CDH12: variants seen among roughly 807,000 people sequenced by gnomAD.
The protein encoded by CDH12 is cadherin-12.
A neutral mutation model predicts 74.1 loss-of-function variants in CDH12; 41 were observed. The ratio of observed to expected loss-of-function variants is 0.55; its 90% CI spans 0.43 to 0.72. The LOEUF is 0.72. Ranked by LOEUF, CDH12 falls within the 30% of genes least tolerant of loss-of-function variation. The probability of loss-of-function intolerance (pLI) is 0.00; values close to 1 mark genes in which losing one functional copy is unlikely to be tolerated. For synonymous variants in CDH12, 399 were observed against 355.0 expected, an observed-to-expected ratio of 1.12 and a Z score of -1.39; for missense variants, 945 against 977.2, an observed-to-expected ratio of 0.97 and a Z score of 0.44.
chr5:22,689,247 T>C (rs1014483374), intron 1 of CDH12, among the ~76,000 whole-genome samples: 1 of 152,156 alleles, frequency 6.6e-6, no homozygotes, highest in Non-Finnish European at 1.5e-5. Context: ...AAAGAGGGAA[T>C]AGATGGATAA....
At chr5:22,635,585 A>G (rs1286119004) in intron 1 of CDH12, among the ~76,000 whole-genome samples, 1 of 152,182 alleles carries the variant, frequency 6.6e-6, no homozygotes, top group Non-Finnish European at 1.5e-5. Flanking sequence ...TTCAAATTAT[A>G]TATCTGAAAA....
chr5:21,832,376 C>A (rs1378420950), intron 8 of CDH12, among the ~76,000 whole-genome samples: 1 of 151,952 alleles, frequency 6.6e-6, no homozygotes, highest in Non-Finnish European at 1.5e-5. Flanking sequence ...TTTTTATATG[C>A]CTACATCAGC....
intron 6 of CDH12, among the ~76,000 whole-genome samples, chr5:21,938,757 A>G (rs1208786860): frequency 8.0e-5 from 8 of 100,282 alleles, no homozygotes; most frequent in Non-Finnish European, 1.5e-4. Context: ...TATCTTCTAC[A>G]TATCAGTGCT....
intron 2 of CDH12, among the ~76,000 whole-genome samples, chr5:22,489,208 C>T (rs530359362): frequency 1.3e-5 from 2 of 151,472 alleles, no homozygotes; most frequent in Admixed American, 1.3e-4. Context: ...CAGGTGCCCA[C>T]CACCACACCT....
chr5:22,087,627 T>G (rs1461177611), intron 4 of CDH12, among the ~76,000 whole-genome samples: 2 of 151,816 alleles, frequency 1.3e-5, no homozygotes, highest in Non-Finnish European at 2.9e-5. Flanking sequence ...GGTGACAGAG[T>G]GAGACTTTGT....
chr5:22,471,523 A>C (rs930965761), intron 2 of CDH12, among the ~76,000 whole-genome samples: 10 of 151,840 alleles, frequency 6.6e-5, no homozygotes, highest in African/African-American at 2.4e-4. Flanking sequence ...CCCCATTTCC[A>C]CTCCACATAC....
intron 4 of CDH12, among the ~76,000 whole-genome samples, chr5:22,134,416 G>T (rs1411701733): frequency 6.6e-6 from 1 of 151,996 alleles, no homozygotes; most frequent in Non-Finnish European, 1.5e-5. Flanking sequence ...GATAGCGGGT[G>T]GGGTGTAGTT....
intron 10 of CDH12, among the ~76,000 whole-genome samples, chr5:21,800,558 C>T (rs1312672047): frequency 6.6e-6 from 1 of 152,144 alleles, no homozygotes; most frequent in East Asian, 1.9e-4. Flanking sequence ...AAGATGACCA[C>T]CTGCTGAAAA....
At chr5:22,076,108 C>T (rs1742296712) in intron 5 of CDH12, among the ~76,000 whole-genome samples, 1 of 152,024 alleles carries the variant, frequency 6.6e-6, no homozygotes. Flanking sequence ...ATGTACATTG[C>T]TTGAGAACCA....
chr5:21,867,742 G>A (rs1409398773), intron 6 of CDH12, among the ~76,000 whole-genome samples: 1 of 152,208 alleles, frequency 6.6e-6, no homozygotes, highest in Non-Finnish European at 1.5e-5. Flanking sequence ...CCTTGTCTCA[G>A]ATGATACTTT....
At chr5:22,155,477 A>G (rs965879061) in intron 4 of CDH12, among the ~76,000 whole-genome samples, 4 of 152,174 alleles carry the variant, frequency 2.6e-5, no homozygotes, top group African/African-American at 9.7e-5. Context: ...TTAAGCAGAT[A>G]TAAAGATCTT....
chr5:22,342,614 C>CTTTCTTTCCTTTTCTA (rs1441420602), intron 3 of CDH12, among the ~76,000 whole-genome samples: 1 of 104,098 alleles, frequency 9.6e-6, no homozygotes, highest in African/African-American at 3.6e-5. Context: ...TTACTTTTTT[C>CTTTCTTTCCTTTTCTA]TTTCTTTCCT....
chr5:22,562,750 A>C (rs1739113898), intron 1 of CDH12, among the ~76,000 whole-genome samples: 1 of 151,706 alleles, frequency 6.6e-6, no homozygotes, highest in South Asian at 2.1e-4. Flanking sequence ...GCAAACAAAA[A>C]ACTTGACCTT....
At chr5:22,273,417 A>T (rs568155628) in intron 3 of CDH12, among the ~76,000 whole-genome samples, 1 of 152,324 alleles carries the variant, frequency 6.6e-6, no homozygotes, top group African/African-American at 2.4e-5. Flanking sequence ...AATAAAGCAA[A>T]GCACCATAAA....
chr5:22,376,323 A>G (rs561809641), intron 3 of CDH12, among the ~76,000 whole-genome samples: 1 of 152,124 alleles, frequency 6.6e-6, no homozygotes, highest in Non-Finnish European at 1.5e-5. Flanking sequence ...GGGAGGATAA[A>G]GAGAGACTGA....
At chr5:22,514,072 A>G (rs1041973352) in intron 1 of CDH12, among the ~76,000 whole-genome samples, 2 of 151,756 alleles carry the variant, frequency 1.3e-5, no homozygotes, top group Non-Finnish European at 2.9e-5. Flanking sequence ...TGATAGCAAT[A>G]TTATTACTAA....
rs150666249 is a variant in CDH12, at chr5:22,814,776, G to C, written c.-523+38282C>G. On this transcript the variant is annotated intron_variant, in intron 1 of 14. Coordinates refer to ENST00000382254, the MANE Select transcript of CDH12 (RefSeq NM_004061.5). ...TGGTGTAACTACAGAGATGTCATATGTAATTTGATAAGTCTAATTTTAAAA... is the reference window on the plus strand; with the variant it reads ...TGGTGTAACTACAGAGATGTCATATCTAATTTGATAAGTCTAATTTTAAAA... Among the ~76,000 whole-genome samples the C allele has an allele frequency of 2.0e-5, 3 of 152,204 alleles. No homozygotes were observed. The East Asian group carries it at 5.8e-4, about 29-fold the overall frequency.
intron 6 of CDH12, among the ~76,000 whole-genome samples, chr5:21,858,815 A>T (rs1750881893): frequency 6.6e-6 from 1 of 151,884 alleles, no homozygotes; most frequent in Non-Finnish European, 1.5e-5. Context: ...GACCTGAATA[A>T]TTTTTTGCAC....
chr5:22,377,686 T>G (rs1214243694), intron 3 of CDH12, among the ~76,000 whole-genome samples: 1 of 152,212 alleles, frequency 6.6e-6, no homozygotes, highest in Non-Finnish European at 1.5e-5. Flanking sequence ...ATTTCCAGTT[T>G]AATTCTGTCA....
Sources: gnomAD v4.1 joint callset for allele counts (sites outside exome capture counted in the v4.1 genomes callset) on GRCh38, gnomAD v4.1.1 for gene constraint, MANE v1.5 for transcripts, NCBI Gene and HGNC (gene_info 2026-07-23, HGNC 2026-07-21) for gene names.